The following KANSL1L variants were observed in gnomAD, a reference collection of about 807,000 sequenced individuals.
KANSL1L encodes the protein KAT8 regulatory NSL complex subunit 1 like.
In KANSL1L, 25 loss-of-function variants were observed where a neutral mutation model predicts 108.6. The observed-to-expected ratio is 0.23, with a 90% CI of 0.17 to 0.32. KANSL1L has a LOEUF of 0.32. Among genes scored for constraint, KANSL1L ranks in the 10% least tolerant of loss-of-function variants. The probability of loss-of-function intolerance (pLI) is 1.00; values close to 1 mark genes in which losing one functional copy is unlikely to be tolerated. For missense variants in KANSL1L, 1,137 were observed against 1,125.7 expected (o/e 1.01, Z -0.14); for synonymous variants, 405 against 395.1 (o/e 1.03, Z -0.30).
intron 13 of KANSL1L, 114 bp from the exon 14 acceptor site, chr2:210,024,315 T>C (rs189065483): frequency 2.8e-6 from 2 of 726,520 alleles, no homozygotes; most frequent in Non-Finnish European, 4.1e-6. Context: ...TAAACAGTTT[T>C]GCCCAAAGAT....
chr2:210,071,421 T>C (rs1275668725), intron 6 of KANSL1L, among the ~76,000 whole-genome samples: 2 of 151,726 alleles, frequency 1.3e-5, no homozygotes, highest in Admixed American at 1.3e-4. Context: ...GCACAAACCA[T>C]GATGCCTGGC....
At chr2:210,081,115 AAAAC>A (rs764255323) in intron 5 of KANSL1L, among the ~76,000 whole-genome samples, 2 of 152,048 alleles carry the variant, frequency 1.3e-5, no homozygotes, top group Admixed American at 6.5e-5. Context: ...TCAGAAAAAC[AAAAC>A]AAACAAACAA....
At chr2:210,149,915 CCAAAA>C (rs1461230724) in intron 2 of KANSL1L, among the ~76,000 whole-genome samples, 1 of 147,946 alleles carries the variant, frequency 6.8e-6, no homozygotes, top group Non-Finnish European at 1.5e-5. Context: ...AAAAAAAAAA[CCAAAA>C]CAATTATCAA....
chr2:210,102,295 C>T (rs1293713427), intron 4 of KANSL1L, among the ~76,000 whole-genome samples: 2 of 152,110 alleles, frequency 1.3e-5, no homozygotes, highest in African/African-American at 2.4e-5. Context: ...CCCTTCCTTA[C>T]ACCTTATACA....
intron 6 of KANSL1L, among the ~76,000 whole-genome samples, chr2:210,072,241 G>A (rs2094512970): frequency 6.6e-6 from 1 of 152,100 alleles, no homozygotes; most frequent in Admixed American, 6.5e-5. Context: ...AAGAATACTG[G>A]CCAGTTGTTT....
At position 210,029,108 on chromosome 2, in the gene KANSL1L, A is replaced by T. The variant is rs940442434; in HGVS notation, c.2272-139T>A. On this transcript the variant is annotated intron_variant, in intron 10 of 14. Transcript: ENST00000281772. ...CATTGTTATAAAGTCTGACTAAAAA[A>T]TGTTAAGAAAACCAAAAAATAAAAC... The T allele has an allele frequency of 4.3e-6, 3 of 705,462 alleles. No homozygotes were observed. The African/African-American group carries it at 5.7e-5, about 13-fold the overall frequency. 43.7% of individuals were successfully genotyped at this position (705,462 alleles called of 1,614,324 possible).
At chr2:210,149,790 A>T (rs773403729) in intron 2 of KANSL1L, among the ~76,000 whole-genome samples, 24 of 151,972 alleles carry the variant, frequency 1.6e-4, no homozygotes, top group Non-Finnish European at 2.9e-4. Context: ...TCTTTCCCAC[A>T]AGAAATCTAT....
intron 12 of KANSL1L, among the ~76,000 whole-genome samples, chr2:210,026,556 T>C (rs1042262050): frequency 6.6e-6 from 1 of 152,192 alleles, no homozygotes; most frequent in African/African-American, 2.4e-5. Context: ...TCTACAGGTA[T>C]TACGTGATAT....
At chr2:210,095,628 A>G (rs1456945225) in intron 5 of KANSL1L, among the ~76,000 whole-genome samples, 2 of 152,134 alleles carry the variant, frequency 1.3e-5, no homozygotes, top group African/African-American at 4.8e-5. Flanking sequence ...AAACATTTTA[A>G]TGAAATCAGG....
chr2:210,047,006 C>T (rs1264446972), intron 6 of KANSL1L, among the ~76,000 whole-genome samples: 2 of 152,158 alleles, frequency 1.3e-5, no homozygotes, highest in Non-Finnish European at 2.9e-5. Context: ...TCAGGTGGCT[C>T]CATATTTGAA....
intron 1 of KANSL1L, among the ~76,000 whole-genome samples, chr2:210,162,226 A>ATATATATATATATATATATATG (rs2095365539): frequency 7.1e-6 from 1 of 141,256 alleles, no homozygotes; most frequent in Non-Finnish European, 1.5e-5. Flanking sequence ...GTTCAGGTAT[A>ATATATATATATATATATATATG]TATATATATA....
At chr2:210,055,831 T>C (rs957592544) in intron 6 of KANSL1L, among the ~76,000 whole-genome samples, 1 of 152,066 alleles carries the variant, frequency 6.6e-6, no homozygotes, top group Non-Finnish European at 1.5e-5. Context: ...GTTTGGAAAA[T>C]TTGCAGCCTG....
chr2:210,023,951 CTT>C (rs2093898027), intron 14 of KANSL1L, 80 bp downstream of exon 14: 2 of 954,954 alleles, frequency 2.1e-6, no homozygotes, highest in African/African-American at 1.7e-5. Context: ...ATGTAATAAA[CTT>C]AATTTTTTTC....
At chr2:210,052,232 G>T (rs1279938646) in intron 6 of KANSL1L, among the ~76,000 whole-genome samples, 1 of 151,682 alleles carries the variant, frequency 6.6e-6, no homozygotes, top group African/African-American at 2.4e-5. Flanking sequence ...TTAACTCCTG[G>T]GCTTAAGAGA....
At chr2:210,042,406 G>A (rs1202650646) in intron 7 of KANSL1L, among the ~76,000 whole-genome samples, 2 of 152,168 alleles carry the variant, frequency 1.3e-5, no homozygotes, top group African/African-American at 4.8e-5. Context: ...GGGCATAAGA[G>A]TCTTAGGATA....
Position 210,112,597 on chromosome 2 carries a change from G to A in KANSL1L, c.1231-8296C>T, listed in dbSNP as rs144602250. Among the ~76,000 whole-genome samples the A allele has an allele frequency of 2.4e-3, 368 of 152,218 alleles. 14 individuals carry two copies. The East Asian group carries it at 0.059, about 24-fold the overall frequency. ...ACCCAAATGTCAAAAACTCCTTTCAGTGCATGTCTCTTATTTCTTTCTACT... is the reference window on the plus strand; with the variant it reads ...ACCCAAATGTCAAAAACTCCTTTCAATGCATGTCTCTTATTTCTTTCTACT... On this transcript the variant is annotated intron_variant, in intron 3 of 14. Coordinates refer to ENST00000281772, the MANE Select transcript of KANSL1L (RefSeq NM_152519.4).
chr2:210,076,662 T>C (rs2094544506), intron 5 of KANSL1L, among the ~76,000 whole-genome samples: 2 of 151,710 alleles, frequency 1.3e-5, no homozygotes, highest in African/African-American at 4.8e-5. Flanking sequence ...CATAATTTTA[T>C]ATTTATTCTT....
intron 6 of KANSL1L, among the ~76,000 whole-genome samples, chr2:210,051,651 C>T (rs1353479355): frequency 1.3e-5 from 2 of 152,110 alleles, no homozygotes; most frequent in African/African-American, 4.8e-5. Context: ...CTATTTTCAT[C>T]TGGAGTCATT....
At chr2:210,162,770 C>T (rs553827513) in intron 1 of KANSL1L, among the ~76,000 whole-genome samples, 1 of 152,000 alleles carries the variant, frequency 6.6e-6, no homozygotes, top group Non-Finnish European at 1.5e-5. Context: ...ATCAAGATAC[C>T]AACGTGTTTA....
Sources: gnomAD v4.1 joint callset for allele counts (sites outside exome capture counted in the v4.1 genomes callset) on GRCh38, gnomAD v4.1.1 for gene constraint, MANE v1.5 for transcripts, NCBI Gene and HGNC (gene_info 2026-07-23, HGNC 2026-07-21) for gene names.